Variants in ARHGAP22 observed in about 807,000 individuals in gnomAD.
ARHGAP22 encodes Rho GTPase activating protein 22.
In ARHGAP22, 48 loss-of-function variants were observed where a neutral mutation model predicts 59.1. That is an observed-to-expected ratio of 0.81 (90% CI 0.64 to 1.03). ARHGAP22 has a LOEUF of 1.03. ARHGAP22 is among the 50% of genes least tolerant of loss of function. ARHGAP22 has a pLI of 0.00. For missense variants in ARHGAP22, 1,015 were observed against 958.7 expected (o/e 1.06, Z -0.78); for synonymous variants, 445 against 416.4 (o/e 1.07, Z -0.84).
At chr10:48,434,683 G>A in the ARHGAP22 span, among the ~76,000 whole-genome samples, 3 of 152,146 alleles carry the variant, frequency 2.0e-5, no homozygotes, top group Admixed American at 6.5e-5. Flanking sequence ...CACGATTCTA[G>A]ACATTTTCAG....
chr10:48,625,031 G>C (rs2136056301), intron 1 of ARHGAP22: 1 of 152,284 alleles, frequency 6.6e-6, no homozygotes, highest in South Asian at 2.1e-4. Flanking sequence ...GCAGAGTCGT[G>C]TGCAGTACTT....
chr10:48,524,311 A>C (rs2054121802), intron 3 of ARHGAP22: 3 of 158,314 alleles, frequency 1.9e-5, no homozygotes, highest in East Asian at 3.9e-4. Context: ...CTGCTAATCA[A>C]TAGGAGAACG....
intron 2 of ARHGAP22, among the ~76,000 whole-genome samples, chr10:48,565,766 T>C (rs1300609837): frequency 6.6e-6 from 1 of 152,228 alleles, no homozygotes; most frequent in East Asian, 1.9e-4. Flanking sequence ...ACTAGGGGCC[T>C]ATATAAATAT....
At chr10:48,572,225 G>T (rs1298700827) in intron 2 of ARHGAP22, among the ~76,000 whole-genome samples, 1 of 152,206 alleles carries the variant, frequency 6.6e-6, no homozygotes, top group South Asian at 2.1e-4. Flanking sequence ...TACACTTAAA[G>T]AATAAACAAT....
At chr10:48,470,755 G>C (rs556156868) in intron 4 of ARHGAP22, among the ~76,000 whole-genome samples, 3 of 152,344 alleles carry the variant, frequency 2.0e-5, no homozygotes, top group Admixed American at 1.3e-4. Context: ...TGGAAGGGCT[G>C]CCTGGAAAAG....
intron 1 of ARHGAP22, 60 bp downstream of exon 1, chr10:48,604,703 G>A: frequency 4.3e-6 from 7 of 1,613,576 alleles, no homozygotes; most frequent in Non-Finnish European, 5.9e-6. Flanking sequence ...CCAAGTGTCC[G>A]CGCACGTTTG....
chr10:48,650,742 G>C (rs565227464), intron 1 of ARHGAP22, among the ~76,000 whole-genome samples: 6 of 152,178 alleles, frequency 3.9e-5, no homozygotes, highest in Non-Finnish European at 8.8e-5. Context: ...GCAAGTGACT[G>C]TTCCTTCCAA....
Position 48,479,768 on chromosome 10 carries a change from C to G in ARHGAP22, c.323-4G>C. On this transcript the variant is annotated splice_region_variant and splice_polypyrimidine_tract_variant and intron_variant, in intron 3 of 9. Transcript: ENST00000249601. ...TTCTCCCGCTCCCCGGCACCACCTG[C>G]AAGACAGGGAGACACAGGCTTACGC... 6.3e-7 allele frequency: 1 copy of G among 1,576,662 alleles called. No homozygotes were observed. Among genetic ancestry groups the G allele is most frequent in the Non-Finnish European group, 8.6e-7 (1 of 1,159,462 alleles).
At chr10:48,578,957 CTTT>C (rs1352204027) in intron 2 of ARHGAP22, among the ~76,000 whole-genome samples, 1 of 151,362 alleles carries the variant, frequency 6.6e-6, no homozygotes, top group African/African-American at 2.4e-5. Flanking sequence ...ATTCCTCTCT[CTTT>C]TTTAGACCCA....
chr10:48,556,779 G>A (rs887585965), intron 2 of ARHGAP22: 1 of 152,158 alleles, frequency 6.6e-6, no homozygotes, highest in Non-Finnish European at 1.5e-5. Context: ...TTGTATATAA[G>A]GGCTCCACAC....
intron 3 of ARHGAP22, among the ~76,000 whole-genome samples, chr10:48,521,776 T>C (rs1198265297): frequency 2.6e-5 from 4 of 152,210 alleles, no homozygotes; most frequent in African/African-American, 9.7e-5. Context: ...TCAAAGTGTG[T>C]CCACACATAT....
At chr10:48,532,730 T>C (rs959497378) in intron 3 of ARHGAP22, 2 of 142,510 alleles carry the variant, frequency 1.4e-5, no homozygotes, top group Non-Finnish European at 3.0e-5. Context: ...AGTGAGAACA[T>C]GCAGTGTTTG....
the ARHGAP22 span, chr10:48,438,109 G>A: frequency 1.6e-4 from 25 of 152,332 alleles, no homozygotes; most frequent in Non-Finnish European, 3.4e-4. Flanking sequence ...AATATTTTCA[G>A]AAATACTGTT....
rs368479540 is a variant in ARHGAP22, at chr10:48,507,872, C to T, written c.323-28108G>A. On this transcript the variant is annotated intron_variant, in intron 3 of 9. Transcript: ENST00000249601. ...ACTCAGCCAGACACAGTAATTACACCGTGAGCAACTGAGGCTCGGAAATAC... is the reference window on the plus strand; with the variant it reads ...ACTCAGCCAGACACAGTAATTACACTGTGAGCAACTGAGGCTCGGAAATAC... Among the ~76,000 whole-genome samples, 289 of 127,206 alleles carry T rather than the reference C, an allele frequency of 2.3e-3. 1 individual carries two copies. Among genetic ancestry groups the T allele is most frequent in the African/African-American group, 8.4e-3 (275 of 32,818 alleles). The allele number at this position is 127,206 out of a possible 152,430, so 83.5% of individuals were successfully genotyped here. A position where few individuals can be genotyped will look rare whatever the true frequency, so the allele number is the denominator to read the frequency against.
intron 3 of ARHGAP22, among the ~76,000 whole-genome samples, chr10:48,481,096 G>T (rs79398311): frequency 0.018 from 2,770 of 152,364 alleles, 85 homozygotes; most frequent in African/African-American, 0.063. Flanking sequence ...AGCCCTGCTC[G>T]CCGGGGCTCA....
chr10:48,450,455 G>A lies in ARHGAP22; in HGVS notation c.1674C>T (p.Ser558=). The A allele has an allele frequency of 7.7e-6, 12 of 1,549,680 alleles. No individual in the cohort carries two copies. The highest frequency in any genetic ancestry group is 1.0e-5 in the Non-Finnish European group (12 of 1,146,510). ...ALEPSPLPSS[S]EDPKSLDLDH... Reference sequence around the variant, plus strand: ...CCAGGTCCAGGGACTTGGGGTCCTCGCTGCTGCTGGGGAGCGGGGAGGGCT... The same window carrying A: ...CCAGGTCCAGGGACTTGGGGTCCTCACTGCTGCTGGGGAGCGGGGAGGGCT... The change falls in exon 9 of 10, where the codon AGC becomes AGT. Residue 558 remains serine (S), a synonymous_variant. Transcript: ENST00000249601.
At chr10:48,545,631 G>A (rs904055538) in intron 3 of ARHGAP22, among the ~76,000 whole-genome samples, 7 of 152,214 alleles carry the variant, frequency 4.6e-5, no homozygotes, top group African/African-American at 1.4e-4. Context: ...GATCAGGGAT[G>A]CTCTGGGCAT....
chr10:48,600,968 A>C (rs2060346097), intron 1 of ARHGAP22, among the ~76,000 whole-genome samples: 3 of 152,198 alleles, frequency 2.0e-5, no homozygotes. Flanking sequence ...GCACCCTTCC[A>C]TGAGCAGTTC....
chr10:48,453,389 G>A lies in ARHGAP22; in HGVS notation c.903C>T (p.Asn301=). The part of the protein sequence containing the change: ...LDEVQAYSNV[N]KMSVQNLATV... ...TTGCCAGATTCTGGACACTCATCTTGTTGACATTTGAGTATGCCTGAACTT... is the reference window on the plus strand; with the variant it reads ...TTGCCAGATTCTGGACACTCATCTTATTGACATTTGAGTATGCCTGAACTT... Residue 301 remains asparagine (N), a synonymous_variant, in exon 8 of 10, where the codon AAC becomes AAT. Coordinates refer to ENST00000249601, the MANE Select transcript of ARHGAP22 (RefSeq NM_021226.4). 1 of 1,614,042 alleles carries A rather than the reference G, an allele frequency of 6.2e-7. No homozygotes were observed. Among genetic ancestry groups the A allele is most frequent in the South Asian group, 1.1e-5 (1 of 91,086 alleles).
Sources: gnomAD v4.1 joint callset for allele counts (sites outside exome capture counted in the v4.1 genomes callset) on GRCh38, gnomAD v4.1.1 for gene constraint, MANE v1.5 for transcripts, NCBI Gene and HGNC (gene_info 2026-07-23, HGNC 2026-07-21) for gene names.